SLC24A2: variants seen among roughly 807,000 people sequenced by gnomAD.
SLC24A2 encodes the protein sodium/potassium/calcium exchanger 2.
In SLC24A2, 36 loss-of-function variants were observed where a neutral mutation model predicts 62.0. The observed-to-expected ratio is 0.58, with a 90% CI of 0.44 to 0.77. SLC24A2 has a LOEUF of 0.77. SLC24A2 is among the 30% of genes least tolerant of loss of function. SLC24A2 has a pLI of 0.00. For missense variants in SLC24A2, 846 were observed against 817.9 expected, an observed-to-expected ratio of 1.03 and a Z score of -0.42; for synonymous variants, 358 against 294.0, an observed-to-expected ratio of 1.22 and a Z score of -2.23.
chr9:19,667,874 C>G (rs184865367), intron 2 of SLC24A2, among the ~76,000 whole-genome samples: 70 of 152,282 alleles, frequency 4.6e-4, no homozygotes, highest in Middle Eastern at 3.4e-3. Context: ...TAAAATTATT[C>G]TTAAACCCGC....
chr9:20,238,599 A>T, the SLC24A2 span, among the ~76,000 whole-genome samples: 1 of 152,176 alleles, frequency 6.6e-6, no homozygotes, highest in Non-Finnish European at 1.5e-5. Flanking sequence ...CAAAAGTATA[A>T]ATGGAAGTTC....
chr9:19,596,326 C>A (rs1836702199), intron 5 of SLC24A2, among the ~76,000 whole-genome samples: 1 of 152,150 alleles, frequency 6.6e-6, no homozygotes, highest in Non-Finnish European at 1.5e-5. Context: ...GGGTACCTTT[C>A]CATTTCTTGT....
At chr9:19,914,209 G>C in the SLC24A2 span, among the ~76,000 whole-genome samples, 2 of 151,916 alleles carry the variant, frequency 1.3e-5, no homozygotes, top group Non-Finnish European at 2.9e-5. Context: ...CCTGCCACTT[G>C]AGTGTTTCAA....
At chr9:19,527,520 A>G (rs896704422) in intron 9 of SLC24A2, among the ~76,000 whole-genome samples, 3 of 152,234 alleles carry the variant, frequency 2.0e-5, no homozygotes, top group African/African-American at 7.2e-5. Context: ...CTTACTCTTC[A>G]TTCATGTTTT....
chr9:20,211,873 A>G, the SLC24A2 span, among the ~76,000 whole-genome samples: 1 of 152,190 alleles, frequency 6.6e-6, no homozygotes, highest in East Asian at 1.9e-4. Context: ...TTGGTCAAAG[A>G]ACAATTTTTT....
At chr9:20,269,999 A>G in the SLC24A2 span, among the ~76,000 whole-genome samples, 1 of 152,218 alleles carries the variant, frequency 6.6e-6, no homozygotes, top group Admixed American at 6.5e-5. Context: ...ATGCTGCATC[A>G]TAACATGGTG....
the SLC24A2 span, among the ~76,000 whole-genome samples, chr9:19,900,802 T>G: frequency 6.6e-6 from 1 of 152,188 alleles, no homozygotes; most frequent in Admixed American, 6.5e-5. Context: ...ACACTTACCC[T>G]AAAACCCAGT....
the SLC24A2 span, among the ~76,000 whole-genome samples, chr9:20,250,023 A>G: frequency 6.6e-6 from 1 of 152,236 alleles, no homozygotes; most frequent in African/African-American, 2.4e-5. Context: ...CTAATTTTCA[A>G]TTTTTGCTAA....
the SLC24A2 span, among the ~76,000 whole-genome samples, chr9:20,019,398 G>T: frequency 6.6e-6 from 1 of 152,106 alleles, no homozygotes; most frequent in South Asian, 2.1e-4. Flanking sequence ...TTCTGCATAT[G>T]GTTTGCCAGT....
the SLC24A2 span, among the ~76,000 whole-genome samples, chr9:20,111,591 T>C: frequency 6.6e-6 from 1 of 152,202 alleles, no homozygotes; most frequent in Non-Finnish European, 1.5e-5. Flanking sequence ...GCAGCATCTA[T>C]ATCAGCTGAG....
the SLC24A2 span, among the ~76,000 whole-genome samples, chr9:19,975,294 C>T: frequency 2.0e-5 from 3 of 152,144 alleles, no homozygotes; most frequent in African/African-American, 7.2e-5. Context: ...ATTCTGATGT[C>T]CCCTCTTAAA....
chr9:19,709,078 T>A (rs1405202139), intron 2 of SLC24A2, among the ~76,000 whole-genome samples: 1 of 151,554 alleles, frequency 6.6e-6, no homozygotes, highest in Non-Finnish European at 1.5e-5. Context: ...AAACAACCCA[T>A]CAAAAAGGGG....
rs1342494940 is a variant in SLC24A2 at position 19,513,485 on chromosome 9, G to A, written c.*2668C>T. 1 of 152,094 alleles carries A rather than the reference G, an allele frequency of 6.6e-6. No homozygotes were observed. The highest frequency in any genetic ancestry group is 1.5e-5 in the Non-Finnish European group (1 of 68,042). 9.4% of individuals were successfully genotyped at this position (152,094 alleles called of 1,614,324 possible). On this transcript the variant is annotated 3_prime_UTR_variant, in exon 11 of 11. Transcript: ENST00000341998. ...GGCTCAGTGCACATGACTGATGTGG[G>A]AACGGGGCTTGGAAATTTTGTCTTC...
chr9:20,114,783 G>A, the SLC24A2 span, among the ~76,000 whole-genome samples: 2 of 152,124 alleles, frequency 1.3e-5, no homozygotes, highest in Non-Finnish European at 2.9e-5. Flanking sequence ...CCAGGATATG[G>A]CCCAATTCCA....
At chr9:20,076,897 T>C in the SLC24A2 span, among the ~76,000 whole-genome samples, 2 of 147,010 alleles carry the variant, frequency 1.4e-5, no homozygotes, top group African/African-American at 5.0e-5. Context: ...CATATGTGTA[T>C]ATATATATCA....
the SLC24A2 span, among the ~76,000 whole-genome samples, chr9:20,223,665 A>G: frequency 6.6e-6 from 1 of 152,164 alleles, no homozygotes; most frequent in Non-Finnish European, 1.5e-5. Flanking sequence ...AAGACCTAAA[A>G]ACAGGCCAGT....
chr9:19,615,884 A>G (rs1817754372), intron 4 of SLC24A2, among the ~76,000 whole-genome samples: 1 of 152,140 alleles, frequency 6.6e-6, no homozygotes, highest in African/African-American at 2.4e-5. Flanking sequence ...TTCTCCAAAC[A>G]GAAAAAACAA....
At chr9:20,151,825 T>C in the SLC24A2 span, among the ~76,000 whole-genome samples, 2 of 151,786 alleles carry the variant, frequency 1.3e-5, no homozygotes, top group Non-Finnish European at 2.9e-5. Context: ...ATCTTTCCCC[T>C]ACTAGATCCC....
chr9:19,567,725 T>A (rs1444959642), intron 7 of SLC24A2, among the ~76,000 whole-genome samples: 1 of 148,348 alleles, frequency 6.7e-6, no homozygotes, highest in East Asian at 2.0e-4. Flanking sequence ...GGTTGATAAA[T>A]TCTCAGTGGC....
Sources: gnomAD v4.1 joint callset for allele counts (sites outside exome capture counted in the v4.1 genomes callset) on GRCh38, gnomAD v4.1.1 for gene constraint, MANE v1.5 for transcripts, NCBI Gene and HGNC (gene_info 2026-07-23, HGNC 2026-07-21) for gene names.